The following CGAS variants were observed in gnomAD, a reference collection of about 807,000 sequenced individuals.
The protein encoded by CGAS is cyclic GMP-AMP synthase, also known as 2'3'-cGAMP synthase.
In CGAS, 31 loss-of-function variants were observed where a neutral mutation model predicts 34.0. That is an observed-to-expected ratio of 0.91 (90% CI 0.69 to 1.23). The LOEUF (loss-of-function observed/expected upper bound fraction) is 1.23, where lower values mean the gene tolerates loss of function less well. Among genes scored for constraint, CGAS ranks in the 50% most tolerant of loss-of-function variants. The probability of loss-of-function intolerance (pLI) is 0.00; values close to 1 mark genes in which losing one functional copy is unlikely to be tolerated. For missense variants in CGAS, 597 were observed against 657.6 expected, an observed-to-expected ratio of 0.91 and a Z score of 1.01; for synonymous variants, 266 against 260.0, an observed-to-expected ratio of 1.02 and a Z score of -0.22.
chr6:73,426,078 T>C (rs563889464), intron 4 of CGAS, among the ~76,000 whole-genome samples: 70 of 151,342 alleles, frequency 4.6e-4, no homozygotes, highest in African/African-American at 1.7e-3. Flanking sequence ...AGGTCAAGAG[T>C]TCGAGATCAG....
chr6:73,427,283 T>G (rs1439248542), intron 4 of CGAS, among the ~76,000 whole-genome samples: 2 of 86,750 alleles, frequency 2.3e-5, no homozygotes, highest in Non-Finnish European at 5.9e-5. Context: ...ACTTACTTTA[T>G]TTATTTATTT....
chr6:73,436,467 A>G (rs1479833082), intron 3 of CGAS, among the ~76,000 whole-genome samples: 1 of 150,120 alleles, frequency 6.7e-6, no homozygotes, highest in Non-Finnish European at 1.5e-5. Flanking sequence ...TATATAATTT[A>G]TATTATATAC....
chr6:73,437,920 T>G (rs952470063), intron 3 of CGAS, among the ~76,000 whole-genome samples: 8 of 151,764 alleles, frequency 5.3e-5, no homozygotes, highest in Non-Finnish European at 8.8e-5. Flanking sequence ...ATACAAAAAA[T>G]TAGCTGGGCA....
chr6:73,450,343 A>G (rs1455141183), intron 1 of CGAS, among the ~76,000 whole-genome samples: 1 of 148,530 alleles, frequency 6.7e-6, no homozygotes, highest in Non-Finnish European at 1.5e-5. Flanking sequence ...TGAACCTGGG[A>G]GGTGGAGGTT....
intron 1 of CGAS, among the ~76,000 whole-genome samples, chr6:73,447,112 T>A (rs921455997): frequency 2.0e-5 from 3 of 152,234 alleles, no homozygotes; most frequent in Non-Finnish European, 4.4e-5. Flanking sequence ...AAAAAACTGA[T>A]CATATTTCAA....
intron 3 of CGAS, 28 bp downstream of exon 3, chr6:73,440,181 T>G: frequency 6.3e-7 from 1 of 1,581,142 alleles, no homozygotes; most frequent in Non-Finnish European, 8.6e-7. Flanking sequence ...CTTTTACTTC[T>G]TTAAGTTAAC....
chr6:73,424,162 T>A lies in CGAS; in HGVS notation c.*1065A>T, dbSNP rs149739395. 2 of 152,110 alleles carry A rather than the reference T, an allele frequency of 1.3e-5. No individual in the cohort carries two copies. The highest frequency in any genetic ancestry group is 2.4e-5 in the African/African-American group (1 of 41,436). The allele number at this position is 152,110 out of a possible 1,614,324, so 9.4% of individuals were successfully genotyped here. A position where few individuals can be genotyped will look rare whatever the true frequency, so the allele number is the denominator to read the frequency against. ...TAAGATTATGTATTTCAGCCAGGCG[T>A]GGTGGCTCACACCTGTAATCCCAGC... On this transcript the variant is annotated 3_prime_UTR_variant, in exon 5 of 5. Transcript: ENST00000370315.
chr6:73,438,440 G>A (rs1338954287), intron 3 of CGAS, among the ~76,000 whole-genome samples: 3 of 152,194 alleles, frequency 2.0e-5, no homozygotes, highest in Admixed American at 6.6e-5. Context: ...GCTCACGCCT[G>A]TAATCCCAGC....
In CGAS at chr6:73,440,434, T is replaced by C; in HGVS notation, c.889A>G (p.Ile297Val). Residue 297 changes from isoleucine to valine, a missense_variant, in exon 3 of 5, where the codon ATC becomes GTC. Ile to Val is a conservative substitution (Grantham distance 29). This residue lies in a region of CGAS where 271 missense variants were observed against 324.1 expected (regional missense o/e 0.84). Transcript: ENST00000370315. ...CTCCCTCCTCTTTTCCTCTTCATGA[T>C]GACATCTGTATCTGGTTGAACATAT... The part of the protein sequence containing the change: ...EINDIKDTDV[I>V]MKRKRGGSPA... 1 of 1,612,760 alleles carries C rather than the reference T, an allele frequency of 6.2e-7. No individual in the cohort carries two copies.
chr6:73,429,403 T>C (rs1199753418), intron 3 of CGAS, among the ~76,000 whole-genome samples: 1 of 152,232 alleles, frequency 6.6e-6, no homozygotes, highest in Admixed American at 6.5e-5. Flanking sequence ...CTTTGTTAAA[T>C]ATTTTGTTTC....
chr6:73,442,558 T>C (rs915817116), intron 2 of CGAS, among the ~76,000 whole-genome samples: 4 of 150,684 alleles, frequency 2.7e-5, no homozygotes, highest in South Asian at 2.1e-4. Context: ...ATGCCACCAC[T>C]CCTGGCTAAT....
chr6:73,440,893 C>G (rs1770366946), intron 2 of CGAS, among the ~76,000 whole-genome samples: 1 of 151,456 alleles, frequency 6.6e-6, no homozygotes, highest in Non-Finnish European at 1.5e-5. Context: ...CAGATTAAGA[C>G]TCTGTCTCAA....
Position 73,445,630 on chromosome 6 carries a change from C to A in CGAS, c.775G>T (p.Glu259Ter). ...YFVKFKRNPKENPLSQFLEGE... is the reference protein window; with the variant it reads ...YFVKFKRNPK ...TCTAAAAACTGACTCAGAGGATTTTCTTTCGGATTTCTTTTAAATTTCACA... is the reference window on the plus strand; with the variant it reads ...TCTAAAAACTGACTCAGAGGATTTTATTTCGGATTTCTTTTAAATTTCACA... The change falls in exon 2 of 5, where the codon GAA becomes TAA. Residue 259 changes from glutamate (E) to a stop codon, truncating the protein, a stop_gained. Coordinates refer to ENST00000370315, the MANE Select transcript of CGAS (RefSeq NM_138441.3). LOFTEE classifies it high-confidence loss of function. 6.2e-7 allele frequency: 1 copy of A among 1,612,326 alleles called. No homozygotes were observed. The highest frequency in any genetic ancestry group is 8.5e-7 in the Non-Finnish European group (1 of 1,179,308).
At chr6:73,445,421 G>A (rs1582656770) in intron 2 of CGAS, 107 bp downstream of exon 2, 2 of 655,838 alleles carry the variant, frequency 3.0e-6, no homozygotes, top group Non-Finnish European at 5.1e-6. Flanking sequence ...CCTCTCTACT[G>A]CACTTTTTCT....
At chr6:73,447,321 T>C (rs1177207359) in intron 1 of CGAS, among the ~76,000 whole-genome samples, 1 of 152,122 alleles carries the variant, frequency 6.6e-6, no homozygotes, top group Non-Finnish European at 1.5e-5. Flanking sequence ...TTCACGCTTG[T>C]CACTGAGGCT....
At position 73,424,413 on chromosome 6, in the gene CGAS, G is replaced by A. The variant is rs542344141; in HGVS notation, c.*814C>T. ...CATGCCACTGGACTCCAGCCTGGGCGACAGAGCGAGACTCCATCTAAAAAA... is the reference window on the plus strand; with the variant it reads ...CATGCCACTGGACTCCAGCCTGGGCAACAGAGCGAGACTCCATCTAAAAAA... On this transcript the variant is annotated 3_prime_UTR_variant, in exon 5 of 5. Transcript: ENST00000370315. 4.2e-4 allele frequency: 63 copies of A among 149,822 alleles called. No individual in the cohort carries two copies. Among genetic ancestry groups the A allele is most frequent in the East Asian group, 7.8e-4 (4 of 5,142 alleles). 9.3% of individuals were successfully genotyped at this position (149,822 alleles called of 1,614,324 possible). A position where few individuals can be genotyped will look rare whatever the true frequency, so the allele number is the denominator to read the frequency against.
intron 4 of CGAS, 131 bp downstream of exon 4, chr6:73,428,578 C>T (rs1328054402): frequency 2.8e-6 from 2 of 715,744 alleles, no homozygotes; most frequent in East Asian, 2.7e-5. Flanking sequence ...TCACACTCTC[C>T]CCAGCTCAAC....
Position 73,431,890 on chromosome 6 carries a change from C to T in CGAS, c.1115-3079G>A, listed in dbSNP as rs181847361. ...TCCCTCTATCACCCAGGCTGGAGTGCGTGAACACAGCTCACTGAAACCTCG... is the reference window on the plus strand; with the variant it reads ...TCCCTCTATCACCCAGGCTGGAGTGTGTGAACACAGCTCACTGAAACCTCG... On this transcript the variant is annotated intron_variant, in intron 3 of 4. Coordinates refer to ENST00000370315, the MANE Select transcript of CGAS (RefSeq NM_138441.3). Among the ~76,000 whole-genome samples the T allele has an allele frequency of 3.8e-4, 58 of 152,178 alleles. 1 individual carries two copies. In the East Asian group the frequency reaches 9.5e-3, roughly 25 times the overall value.
chr6:73,435,593 G>T (rs575934510), intron 3 of CGAS, among the ~76,000 whole-genome samples: 1 of 152,100 alleles, frequency 6.6e-6, no homozygotes, highest in African/African-American at 2.4e-5. Flanking sequence ...TTATATCTGA[G>T]AGCAGGGCGT....
Sources: gnomAD v4.1 joint callset for allele counts (sites outside exome capture counted in the v4.1 genomes callset) on GRCh38, gnomAD v4.1.1 for gene constraint, gnomAD v4.1.1 regional missense constraint, MANE v1.5 for transcripts, NCBI Gene and HGNC (gene_info 2026-07-23, HGNC 2026-07-21) for gene names.